TNIK: variants seen among roughly 807,000 people sequenced by gnomAD.
TNIK encodes the protein TRAF2 and NCK interacting kinase, also known as TRAF2 and NCK-interacting protein kinase.
In TNIK, 49 loss-of-function variants were observed where a neutral mutation model predicts 191.3. The observed-to-expected ratio is 0.26, with a 90% CI of 0.20 to 0.32. The LOEUF (loss-of-function observed/expected upper bound fraction) is 0.32, where lower values mean the gene tolerates loss of function less well. Among genes scored for constraint, TNIK ranks in the 10% least tolerant of loss-of-function variants. The pLI is 1.00. For synonymous variants in TNIK, 594 were observed against 600.9 expected, an observed-to-expected ratio of 0.99 and a Z score of 0.17; for missense variants, 1,155 against 1,702.3, an observed-to-expected ratio of 0.68 and a Z score of 5.66.
At position 171,066,708 on chromosome 3, in the gene TNIK, T is replaced by C; in HGVS notation, c.3727A>G (p.Ile1243Val). The C allele has an allele frequency of 6.2e-7, 1 of 1,613,730 alleles. No individual in the cohort carries two copies. The highest frequency in any genetic ancestry group is 1.1e-5 in the South Asian group (1 of 91,056). The change falls in exon 31 of 33, where the codon ATT becomes GTT. Residue 1243 changes from isoleucine to valine, a missense_variant. Physicochemically the swap from Ile to Val is conservative, Grantham distance 29 (BLOSUM62 3). Around this residue, in one of 3 missense-constraint regions of TNIK, gnomAD observed 195 missense variants for 415.4 expected, o/e 0.47. Transcript: ENST00000436636. The stretch of plus-strand genomic sequence containing the variant: ...CCATCTGTTTTAGGCAAGATGACAA[T>C]AGCATGAGGAGTGATATTGCCCTGA... ...HIQGNITPHAIVILPKTDGME... is the reference protein window; with the variant it reads ...HIQGNITPHAVVILPKTDGME...
At chr3:171,234,598 G>A (rs933603519) in intron 2 of TNIK, among the ~76,000 whole-genome samples, 26 of 152,174 alleles carry the variant, frequency 1.7e-4, no homozygotes, top group African/African-American at 5.1e-4. Context: ...ATGAAGTGGG[G>A]AAGAAGAGAC....
chr3:171,373,805 G>A (rs756949780), intron 1 of TNIK, among the ~76,000 whole-genome samples: 18 of 152,010 alleles, frequency 1.2e-4, no homozygotes, highest in Non-Finnish European at 2.4e-4. Flanking sequence ...CTTTCTTTAT[G>A]AGGCAAGCCC....
rs549171276 is a variant in TNIK at position 171,374,268 on chromosome 3, G to T, written c.58-4583C>A. On this transcript the variant is annotated intron_variant, in intron 1 of 32. Coordinates refer to ENST00000436636, the MANE Select transcript of TNIK (RefSeq NM_015028.4). ...ATGGACAAAACTGTCACATGTAAAA[G>T]CCCCTGTAGTATTCCCAGCTTAAAA... is the stretch of plus-strand genomic sequence containing the variant. Among the ~76,000 whole-genome samples, 3 of 152,234 alleles carry T rather than the reference G, an allele frequency of 2.0e-5. No homozygotes were observed. In the South Asian group the frequency reaches 6.2e-4, roughly 32 times the overall value.
chr3:171,388,299 A>T (rs1025830723), intron 1 of TNIK, among the ~76,000 whole-genome samples: 1 of 152,262 alleles, frequency 6.6e-6, no homozygotes, highest in Admixed American at 6.5e-5. Context: ...TTTATAAAAC[A>T]TAACAACTTC....
chr3:171,236,225 T>G (rs1744249451), intron 2 of TNIK, among the ~76,000 whole-genome samples: 1 of 152,164 alleles, frequency 6.6e-6, no homozygotes, highest in Admixed American at 6.5e-5. Context: ...TGAACAGAGA[T>G]TCCTGTGATC....
chr3:171,371,168 C>A (rs560627906), intron 1 of TNIK, among the ~76,000 whole-genome samples: 3 of 152,180 alleles, frequency 2.0e-5, no homozygotes, highest in African/African-American at 7.2e-5. Context: ...TCTATTAACA[C>A]CTAATAGTAA....
intron 2 of TNIK, among the ~76,000 whole-genome samples, chr3:171,356,109 G>A (rs1714015668): frequency 6.6e-6 from 1 of 151,996 alleles, no homozygotes; most frequent in African/African-American, 2.4e-5. Context: ...AACTGAAGCT[G>A]AGCGAATAAA....
intron 2 of TNIK, among the ~76,000 whole-genome samples, chr3:171,290,871 A>C (rs1751606715): frequency 6.6e-6 from 1 of 152,184 alleles, no homozygotes; most frequent in Admixed American, 6.5e-5. Flanking sequence ...GAAGGAAGGA[A>C]GCATAAATCA....
At chr3:171,201,688 T>G (rs1362616032) in intron 4 of TNIK, among the ~76,000 whole-genome samples, 2 of 152,196 alleles carry the variant, frequency 1.3e-5, no homozygotes, top group Admixed American at 1.3e-4. Context: ...AATTGGTAGG[T>G]ATACATTTGA....
At chr3:171,254,257 A>G (rs1266148323) in intron 2 of TNIK, among the ~76,000 whole-genome samples, 1 of 152,188 alleles carries the variant, frequency 6.6e-6, no homozygotes, top group African/African-American at 2.4e-5. Context: ...TAGTCTTAAA[A>G]AGATAATTTG....
intron 2 of TNIK, among the ~76,000 whole-genome samples, chr3:171,321,647 A>T (rs1196425238): frequency 6.6e-6 from 1 of 152,190 alleles, no homozygotes; most frequent in Non-Finnish European, 1.5e-5. Context: ...CGTGTAGGAG[A>T]CAGATGGACT....
chr3:171,458,165 C>T (rs929757058), intron 1 of TNIK, among the ~76,000 whole-genome samples: 5 of 140,060 alleles, frequency 3.6e-5, no homozygotes, highest in African/African-American at 1.3e-4. Flanking sequence ...CCACCCCGAC[C>T]TCCGACCGAT....
At chr3:171,374,096 C>T (rs1164372336) in intron 1 of TNIK, among the ~76,000 whole-genome samples, 1 of 152,154 alleles carries the variant, frequency 6.6e-6, no homozygotes. Context: ...TGTCCCACTC[C>T]CAATTCTTCA....
chr3:171,261,575 A>T (rs1237294847), intron 2 of TNIK, among the ~76,000 whole-genome samples: 1 of 152,160 alleles, frequency 6.6e-6, no homozygotes, highest in African/African-American at 2.4e-5. Flanking sequence ...TTTTTGATAA[A>T]ATCAAGGCAA....
chr3:171,086,071 ACAT>A (rs1374712725), intron 24 of TNIK, among the ~76,000 whole-genome samples: 2 of 152,210 alleles, frequency 1.3e-5, no homozygotes, highest in Non-Finnish European at 2.9e-5. Flanking sequence ...TTGTCCTTTA[ACAT>A]CATAAACACA....
intron 2 of TNIK, among the ~76,000 whole-genome samples, chr3:171,350,271 GGAACAAAGCTGGTAGCCAA>G (rs1456762128): frequency 1.3e-5 from 2 of 152,070 alleles, no homozygotes; most frequent in Non-Finnish European, 2.9e-5. Flanking sequence ...AACAGTTCCT[GGAACAAAGCTGGTAGCCAA>G]GAACAAACCT....
At chr3:171,267,950 TGA>T (rs1748591865) in intron 2 of TNIK, among the ~76,000 whole-genome samples, 1 of 152,178 alleles carries the variant, frequency 6.6e-6, no homozygotes, top group Admixed American at 6.6e-5. Context: ...CAAGCCTTGC[TGA>T]TGGCCCCAGA....
At chr3:171,297,835 A>T (rs1413880398) in intron 2 of TNIK, among the ~76,000 whole-genome samples, 2 of 152,250 alleles carry the variant, frequency 1.3e-5, no homozygotes, top group African/African-American at 4.8e-5. Flanking sequence ...ACATCAGAGA[A>T]AGAAAAAGTA....
intron 28 of TNIK, among the ~76,000 whole-genome samples, chr3:171,075,801 A>G (rs992853722): frequency 3.3e-5 from 5 of 149,918 alleles, no homozygotes; most frequent in African/African-American, 1.2e-4. Context: ...CAGTGGCACC[A>G]TCTCGGCTCA....
Sources: allele counts gnomAD v4.1 joint callset (sites outside exome capture counted in the v4.1 genomes callset), GRCh38; gene constraint gnomAD v4.1.1; regional missense constraint gnomAD v4.1.1; transcripts MANE v1.5; gene names NCBI Gene and HGNC (gene_info 2026-07-23, HGNC 2026-07-21).